The following CD81 variants were observed in gnomAD, a reference collection of about 807,000 sequenced individuals.
CD81 encodes CD81 antigen.
Under a neutral mutation model 30.1 loss-of-function variants are expected in CD81, and 10 were observed. That is an observed-to-expected ratio of 0.33 (90% CI 0.21 to 0.56). The LOEUF is 0.56. CD81 is among the 20% of genes least tolerant of loss of function. The pLI is 0.89. For missense variants in CD81, 263 were observed against 308.7 expected (o/e 0.85, Z 1.11); for synonymous variants, 147 against 126.4 (o/e 1.16, Z -1.10).
chr11:2,395,478 C>A lies in CD81; in HGVS notation c.417C>A (p.Asp139Glu), dbSNP rs766038235. 2 of 1,612,718 alleles carry A rather than the reference C, an allele frequency of 1.2e-6. No homozygotes were observed. The highest frequency in any genetic ancestry group is 4.5e-5 in the East Asian group (2 of 44,866). ...QALQQAVVDD[D>E]ANNAKAVVKT... ...TACAGCAGGCCGTGGTGGATGATGA[C>A]GCCAACAACGCCAAGGCTGTGGTGA... The change falls in exon 5 of 8, where the codon GAC becomes GAA. Residue 139 changes from aspartate (D) to glutamate (E), a missense_variant. Asp to Glu is a conservative substitution (Grantham distance 45). Around this residue, in one of 3 missense-constraint regions of CD81, gnomAD observed 176 missense variants for 192.9 expected, o/e 0.91. Coordinates refer to ENST00000263645, the MANE Select transcript of CD81 (RefSeq NM_004356.4).
At chr11:2,384,093 C>T (rs1327558286) in intron 1 of CD81, among the ~76,000 whole-genome samples, 3 of 152,168 alleles carry the variant, frequency 2.0e-5, no homozygotes, top group Non-Finnish European at 4.4e-5. Flanking sequence ...TGCTTGGCAG[C>T]CCCCCTTTTA....
At chr11:2,389,051 C>T (rs1363602338) in intron 1 of CD81, among the ~76,000 whole-genome samples, 3 of 152,198 alleles carry the variant, frequency 2.0e-5, no homozygotes, top group Admixed American at 6.5e-5. Context: ...TGTCCAGCAA[C>T]AAGGGCCTCC....
At chr11:2,379,761 A>G (rs1160947951) in intron 1 of CD81, among the ~76,000 whole-genome samples, 2 of 152,034 alleles carry the variant, frequency 1.3e-5, no homozygotes, top group Non-Finnish European at 2.9e-5. Flanking sequence ...TCCTCTCCCC[A>G]GGGCCTGCTC....
chr11:2,386,718 G>T, intron 1 of CD81: 2 of 695,294 alleles, frequency 2.9e-6, no homozygotes, highest in South Asian at 3.0e-5. Flanking sequence ...ACTTCTGGTA[G>T]CCTCGGGGAC....
chr11:2,390,866 C>A (rs1227318759), intron 2 of CD81, among the ~76,000 whole-genome samples: 1 of 143,354 alleles, frequency 7.0e-6, no homozygotes, highest in Non-Finnish European at 1.5e-5. Flanking sequence ...GCCGAGGCAG[C>A]TGGCGCTGTG....
intron 1 of CD81, among the ~76,000 whole-genome samples, chr11:2,382,881 G>A (rs1413672785): frequency 2.0e-5 from 3 of 152,182 alleles, no homozygotes; most frequent in Non-Finnish European, 4.4e-5. Flanking sequence ...AGGGGTTTCC[G>A]AGGGGCTTAG....
At position 2,394,207 on chromosome 11, in the gene CD81, C is replaced by A; in HGVS notation, c.279+15C>A. On this transcript the variant is annotated intron_variant, in intron 3 of 7. Transcript: ENST00000263645. Reference sequence around the variant, plus strand: ...TGCTGGGGACGGTAAGGCAGGGAGGCGGGCCTGTGCCTGGGCCGGGGAGGG... The same window carrying A: ...TGCTGGGGACGGTAAGGCAGGGAGGAGGGCCTGTGCCTGGGCCGGGGAGGG... 2 of 1,575,382 alleles carry A rather than the reference C, an allele frequency of 1.3e-6. No individual in the cohort carries two copies. Among genetic ancestry groups the A allele is most frequent in the Non-Finnish European group, 1.7e-6 (2 of 1,148,038 alleles).
chr11:2,376,883 C>A (rs1006025008), upstream of CD81: 1 of 152,354 alleles, frequency 6.6e-6, no homozygotes, highest in Non-Finnish European at 1.5e-5. Context: ...ACCACTGTGG[C>A]ATCAACTCCT....
At chr11:2,387,150 G>T (rs993615659) in intron 1 of CD81, among the ~76,000 whole-genome samples, 1 of 152,224 alleles carries the variant, frequency 6.6e-6, no homozygotes, top group Non-Finnish European at 1.5e-5. Flanking sequence ...GCCAGGGAGG[G>T]CTGGGGGTGG....
In CD81 at chr11:2,397,007, G is replaced by GT; in HGVS notation, c.*146dup. On this transcript the variant is annotated 3_prime_UTR_variant, in exon 8 of 8. Transcript: ENST00000263645. Reference sequence around the variant, plus strand: ...GTAGCCTTTTTACTTTTGGGGTTTTGTTTTTGTTCTGAACTTTCCTGTTAC... The same window carrying GT: ...GTAGCCTTTTTACTTTTGGGGTTTTGTTTTTTGTTCTGAACTTTCCTGTTAC... The GT allele has an allele frequency of 1.2e-6, 1 of 845,912 alleles. No homozygotes were observed. The highest frequency in any genetic ancestry group is 1.9e-6 in the Non-Finnish European group (1 of 523,624). The allele number at this position is 845,912 out of a possible 1,614,324, so 52.4% of individuals were successfully genotyped here. A position where few individuals can be genotyped will look rare whatever the true frequency, so the allele number is the denominator to read the frequency against.
At chr11:2,387,607 A>C (rs1402692029) in intron 1 of CD81, among the ~76,000 whole-genome samples, 1 of 151,656 alleles carries the variant, frequency 6.6e-6, no homozygotes, top group Non-Finnish European at 1.5e-5. Flanking sequence ...CCACGGGTAT[A>C]ATGGGCACAG....
At chr11:2,392,547 CACG>C (rs951025414) in intron 2 of CD81, 1 of 152,372 alleles carries the variant, frequency 6.6e-6, no homozygotes, top group Non-Finnish European at 1.5e-5. Flanking sequence ...GTGTTGGCCA[CACG>C]ACCACAGGAC....
intron 1 of CD81, among the ~76,000 whole-genome samples, chr11:2,387,431 C>A (rs759129995): frequency 6.6e-6 from 1 of 152,232 alleles, no homozygotes; most frequent in Non-Finnish European, 1.5e-5. Context: ...TGGAGGAAGC[C>A]AGAGTTACCA....
At position 2,396,890 on chromosome 11, in the gene CD81, G is replaced by T. The variant is rs1430743393; in HGVS notation, c.*24G>T. On this transcript the variant is annotated 3_prime_UTR_variant, in exon 8 of 8. Coordinates refer to ENST00000263645, the MANE Select transcript of CD81 (RefSeq NM_004356.4). The stretch of plus-strand genomic sequence containing the variant: ...GAGGCCCCGCAGCTCTGGCCACAGG[G>T]ACCTCTGCAGTGCCCCCTAAGTGAC... The T allele has an allele frequency of 2.5e-6, 4 of 1,610,144 alleles. No individual in the cohort carries two copies.
At chr11:2,380,563 C>T (rs996260963) in intron 1 of CD81, among the ~76,000 whole-genome samples, 12 of 152,136 alleles carry the variant, frequency 7.9e-5, no homozygotes, top group Non-Finnish European at 1.6e-4. Context: ...GAACTGGGCT[C>T]CCTGGGTGCG....
Position 2,394,972 on chromosome 11 carries a change from T to G in CD81, c.280T>G (p.Phe94Val). 6.2e-7 allele frequency: 1 copy of G among 1,612,660 alleles called. No individual in the cohort carries two copies. The highest frequency in any genetic ancestry group is 8.5e-7 in the Non-Finnish European group (1 of 1,179,918). The change falls in exon 4 of 8, where the codon TTC (phenylalanine) becomes GTC (valine). Residue 94 changes from phenylalanine to valine, a missense_variant and splice_region_variant. Coordinates refer to ENST00000263645, the MANE Select transcript of CD81 (RefSeq NM_004356.4). Reference sequence around the variant, plus strand: ...CCCTCTGGCCACTGCCCGGCTCCAGTTCTTCACCTGCCTGGTCATCCTGTT... The same window carrying G: ...CCCTCTGGCCACTGCCCGGCTCCAGGTCTTCACCTGCCTGGTCATCCTGTT... ...IQESQCLLGT[F>V]FTCLVILFAC...
intron 3 of CD81, 90 bp downstream of exon 3, chr11:2,394,282 G>T (rs1175568282): frequency 2.1e-5 from 18 of 839,732 alleles, no homozygotes; most frequent in Non-Finnish European, 3.3e-5. Flanking sequence ...GGTGCTCAGG[G>T]CGGAGCCTAG....
chr11:2,390,141 C>G, intron 1 of CD81: 1 of 577,664 alleles, frequency 1.7e-6, no homozygotes, highest in South Asian at 2.0e-5. Context: ...AACCGGCGTC[C>G]CGTGTCTTCC....
At chr11:2,379,452 T>C (rs12420797) in intron 1 of CD81, among the ~76,000 whole-genome samples, 6,181 of 32,474 alleles carry the variant, frequency 0.19, 206 homozygotes, top group Middle Eastern at 0.25. Context: ...GGGGTGGGGG[T>C]TGAGGGAGGG....
Sources: allele counts gnomAD v4.1 joint callset (sites outside exome capture counted in the v4.1 genomes callset), GRCh38; gene constraint gnomAD v4.1.1; regional missense constraint gnomAD v4.1.1; transcripts MANE v1.5; gene names NCBI Gene and HGNC (gene_info 2026-07-23, HGNC 2026-07-21).